Variants in BCAS1 observed in about 807,000 individuals in gnomAD.
The protein encoded by BCAS1 is brain enriched myelin associated protein 1.
BCAS1 carries 46 observed loss-of-function variants against 65.4 expected under a neutral mutation model. The ratio of observed to expected loss-of-function variants is 0.70; its 90% CI spans 0.55 to 0.90. The LOEUF is 0.90. Among genes scored for constraint, BCAS1 ranks in the 40% least tolerant of loss-of-function variants. BCAS1 has a pLI of 0.00. For missense variants in BCAS1, 793 were observed against 771.2 expected (o/e 1.03, Z -0.33); for synonymous variants, 298 against 293.5 (o/e 1.02, Z -0.16).
At chr20:54,047,479 T>C (rs2092130516) in intron 3 of BCAS1, among the ~76,000 whole-genome samples, 1 of 152,166 alleles carries the variant, frequency 6.6e-6, no homozygotes, top group South Asian at 2.1e-4. Flanking sequence ...CACTAGACTT[T>C]TTGGTGAGAA....
chr20:54,004,549 T>C (rs2091139288), intron 4 of BCAS1, among the ~76,000 whole-genome samples: 4 of 152,212 alleles, frequency 2.6e-5, no homozygotes, highest in African/African-American at 7.2e-5. Context: ...TGAGTCATTA[T>C]GAAAGTGGCA....
chr20:54,024,622 C>A (rs779631837), intron 4 of BCAS1, among the ~76,000 whole-genome samples: 1 of 152,116 alleles, frequency 6.6e-6, no homozygotes, highest in Non-Finnish European at 1.5e-5. Context: ...TAGAGATAGC[C>A]AAGAAGTGAA....
chr20:54,029,767 ACAGT>A (rs1417271890), intron 3 of BCAS1, among the ~76,000 whole-genome samples: 1 of 152,256 alleles, frequency 6.6e-6, no homozygotes, highest in Non-Finnish European at 1.5e-5. Flanking sequence ...GAGAAAACTG[ACAGT>A]CAGAGAGGTC....
At chr20:54,021,949 C>T (rs1392900532) in intron 4 of BCAS1, among the ~76,000 whole-genome samples, 3 of 152,144 alleles carry the variant, frequency 2.0e-5, no homozygotes, top group Non-Finnish European at 4.4e-5. Flanking sequence ...AAAATGCTGA[C>T]ACAAAGACAC....
intron 12 of BCAS1, among the ~76,000 whole-genome samples, chr20:53,953,042 G>A (rs901195795): frequency 2.0e-4 from 31 of 152,206 alleles, no homozygotes; most frequent in Admixed American, 1.5e-3. Context: ...CATCTGCTAC[G>A]CACAAGACAC....
At chr20:53,974,880 T>A (rs1208045342) in intron 9 of BCAS1, among the ~76,000 whole-genome samples, 2 of 152,198 alleles carry the variant, frequency 1.3e-5, no homozygotes, top group Non-Finnish European at 2.9e-5. Context: ...AGGCTCAACG[T>A]CTCTATCTCA....
At chr20:53,951,467 A>C (rs2089523487) in intron 12 of BCAS1, among the ~76,000 whole-genome samples, 1 of 152,194 alleles carries the variant, frequency 6.6e-6, no homozygotes, top group South Asian at 2.1e-4. Context: ...GCGAAACTCC[A>C]TCTCAAAAAA....
At chr20:54,065,781 C>T (rs998557780) in intron 1 of BCAS1, among the ~76,000 whole-genome samples, 1 of 152,150 alleles carries the variant, frequency 6.6e-6, no homozygotes, top group African/African-American at 2.4e-5. Flanking sequence ...GCCCTGGCTC[C>T]GTGTCTGAGA....
At chr20:54,015,342 T>C (rs1356825448) in intron 4 of BCAS1, among the ~76,000 whole-genome samples, 1 of 152,126 alleles carries the variant, frequency 6.6e-6, no homozygotes, top group Non-Finnish European at 1.5e-5. Flanking sequence ...TCTTTTTTTT[T>C]TTAAGTTTGT....
chr20:53,995,401 G>A (rs1331895844), intron 5 of BCAS1, among the ~76,000 whole-genome samples: 3 of 151,574 alleles, frequency 2.0e-5, no homozygotes, highest in Non-Finnish European at 4.4e-5. Flanking sequence ...GACATTTATT[G>A]TTTTTTCTTT....
chr20:54,069,009 C>G (rs370923412), intron 1 of BCAS1, among the ~76,000 whole-genome samples: 1 of 152,296 alleles, frequency 6.6e-6, no homozygotes, highest in African/African-American at 2.4e-5. Flanking sequence ...AAACAAAACC[C>G]TTCTGGGTTC....
At chr20:54,038,070 T>C (rs1237838428) in intron 3 of BCAS1, among the ~76,000 whole-genome samples, 1 of 151,400 alleles carries the variant, frequency 6.6e-6, no homozygotes, top group African/African-American at 2.4e-5. Flanking sequence ...CTCTCTACTA[T>C]GGGCCACACC....
intron 4 of BCAS1, among the ~76,000 whole-genome samples, chr20:54,003,571 T>C (rs924487644): frequency 3.3e-5 from 5 of 152,158 alleles, no homozygotes; most frequent in South Asian, 2.1e-4. Flanking sequence ...TTGGAATAGT[T>C]TGCATTAAAA....
intron 9 of BCAS1, among the ~76,000 whole-genome samples, chr20:53,974,653 C>G (rs2090277482): frequency 6.6e-6 from 1 of 152,220 alleles, no homozygotes; most frequent in Non-Finnish European, 1.5e-5. Flanking sequence ...TGTGAATTCA[C>G]TTATCCCTAC....
intron 10 of BCAS1, among the ~76,000 whole-genome samples, chr20:53,960,469 T>TAAAAA (rs11467629): frequency 3.2e-5 from 2 of 63,090 alleles, no homozygotes; most frequent in African/African-American, 1.2e-4. Flanking sequence ...TTCAACTTCT[T>TAAAAA]AAAAAAAAAA....
At chr20:54,009,093 G>A (rs1046304673) in intron 4 of BCAS1, among the ~76,000 whole-genome samples, 9 of 152,206 alleles carry the variant, frequency 5.9e-5, no homozygotes, top group African/African-American at 1.4e-4. Context: ...GATTACAGGC[G>A]TGAGCCACTG....
intron 6 of BCAS1, 68 bp from the exon 7 acceptor site, chr20:53,992,714 G>A: frequency 7.5e-7 from 1 of 1,334,530 alleles, no homozygotes; most frequent in South Asian, 1.2e-5. Flanking sequence ...GTTTTCTGTT[G>A]TTTTAAAGTG....
intron 1 of BCAS1, among the ~76,000 whole-genome samples, chr20:54,069,851 C>T (rs758465766): frequency 6.6e-6 from 1 of 152,178 alleles, no homozygotes; most frequent in Non-Finnish European, 1.5e-5. Flanking sequence ...GCATTCTAAT[C>T]GCAATGACTC....
At position 54,058,084 on chromosome 20, in the gene BCAS1, C is replaced by T; in HGVS notation, c.142+1G>A. Reference sequence around the variant, plus strand: ...GATGCCCTTCCCAGAGTAGCACTGACCTTCCTCTAAGTGCTGAACTGTGTG... The same window carrying T: ...GATGCCCTTCCCAGAGTAGCACTGATCTTCCTCTAAGTGCTGAACTGTGTG... On this transcript the variant is annotated splice_donor_variant, in intron 3 of 12. Transcript: ENST00000688948. LOFTEE classifies it high-confidence loss of function. 3 of 1,612,968 alleles carry T rather than the reference C, an allele frequency of 1.9e-6. No individual in the cohort carries two copies. Among genetic ancestry groups the T allele is most frequent in the Non-Finnish European group, 2.5e-6 (3 of 1,179,346 alleles).
Sources: gnomAD v4.1 joint callset for allele counts (sites outside exome capture counted in the v4.1 genomes callset) on GRCh38, gnomAD v4.1.1 for gene constraint, MANE v1.5 for transcripts, NCBI Gene and HGNC (gene_info 2026-07-23, HGNC 2026-07-21) for gene names.